The following PHACTR2 variants were observed in gnomAD, a reference collection of about 807,000 sequenced individuals.
PHACTR2 encodes the protein chromosome 6 open reading frame 56.
In PHACTR2, 30 loss-of-function variants were observed where a neutral mutation model predicts 76.0. The ratio of observed to expected loss-of-function variants is 0.39; its 90% confidence interval spans 0.30 to 0.54. The LOEUF (loss-of-function observed/expected upper bound fraction) is 0.54. Ranked by LOEUF, PHACTR2 falls within the 20% of genes least tolerant of loss-of-function variation. The pLI is 0.61. For missense variants in PHACTR2, 696 were observed against 781.1 expected (o/e 0.89, Z 1.30); for synonymous variants, 292 against 292.5 (o/e 1.00, Z 0.02).
rs1417114622 is a variant in PHACTR2, at chr6:143,751,486, C to T, written c.296-2268C>T. Among the ~76,000 whole-genome samples, 6 of 152,048 alleles carry T rather than the reference C, an allele frequency of 3.9e-5. No individual in the cohort carries two copies. Among genetic ancestry groups the T allele is most frequent in the African/African-American group, 1.4e-4 (6 of 41,392 alleles). On this transcript the variant is annotated intron_variant, in intron 3 of 12. Transcript: ENST00000440869. This position sits in a 1 kb window ranked among gnomAD's most constrained non-coding sequence, Gnocchi z 5.7. The stretch of plus-strand genomic sequence containing the variant: ...TCCTTTCCTTTTCTCCCACTGTGGA[C>T]TTTTGTCACTTGCCTTTTGGTCATA...
chr6:143,573,233 T>C (rs182904514), intron 1 of PHACTR2, among the ~76,000 whole-genome samples: 273 of 152,362 alleles, frequency 1.8e-3, no homozygotes, highest in African/African-American at 5.9e-3. Flanking sequence ...TTATCAACCA[T>C]GTGATTTAGA....
intron 12 of PHACTR2, among the ~76,000 whole-genome samples, chr6:143,812,575 G>A (rs1245240345): frequency 1.3e-5 from 2 of 152,178 alleles, no homozygotes; most frequent in African/African-American, 4.8e-5. Flanking sequence ...GTTTCTCCCA[G>A]TATTTTCCAG....
intron 12 of PHACTR2, among the ~76,000 whole-genome samples, chr6:143,814,819 G>C (rs956768217): frequency 2.0e-5 from 3 of 151,894 alleles, no homozygotes; most frequent in African/African-American, 7.3e-5. Context: ...AGCCAGGATG[G>C]TCCCAATCTG....
intron 10 of PHACTR2, among the ~76,000 whole-genome samples, chr6:143,788,515 GA>G (rs1334261720): frequency 1.3e-5 from 2 of 152,130 alleles, no homozygotes; most frequent in Non-Finnish European, 2.9e-5. Context: ...GCAAGTTGGG[GA>G]AAATAGCATA....
chr6:143,538,093 T>TACACACACAC (rs34308001), intron 1 of PHACTR2, among the ~76,000 whole-genome samples: 1 of 150,562 alleles, frequency 6.6e-6, no homozygotes, highest in African/African-American at 2.4e-5. Flanking sequence ...GACTCCGTCT[T>TACACACACAC]ACACACACAC....
chr6:143,550,030 T>A lies in PHACTR2; in HGVS notation c.217+12823T>A, dbSNP rs1442400278. 6.6e-6 allele frequency among the ~76,000 whole-genome samples: 1 copy of A among 151,812 alleles called. No homozygotes were observed. Among genetic ancestry groups the A allele is most frequent in the Admixed American group, 6.6e-5 (1 of 15,190 alleles). On this transcript the variant is annotated intron_variant, in intron 1 of 11. Transcript: ENST00000367584. The surrounding 1 kb of genome is among the most constrained non-coding windows in gnomAD (Gnocchi z 4.8). ...GCTACCATTTTTTGCTAGGTGGGAG[T>A]TGGAGTGATATCCCAATGCATCAGT... is the stretch of plus-strand genomic sequence containing the variant.
In PHACTR2 at chr6:143,578,546, C is replaced by T. The variant is rs898800619; in HGVS notation, c.217+41339C>T. On this transcript the variant is annotated intron_variant, in intron 1 of 11. Coordinates refer to the PHACTR2 transcript ENST00000367584. The surrounding 1 kb of genome is among the most constrained non-coding windows in gnomAD (Gnocchi z 4.5). ...TTGCCAAGCTGGGTACAAAATCACT[C>T]CTGCCAACAAGAAAAGGAGGAAAAG... Among the ~76,000 whole-genome samples the T allele has an allele frequency of 6.6e-6, 1 of 151,988 alleles. No individual in the cohort carries two copies. The highest frequency in any genetic ancestry group is 1.5e-5 in the Non-Finnish European group (1 of 68,020).
rs1393609746 is a variant in PHACTR2 at position 143,659,654 on chromosome 6, CA to C, written c.13+51333del. On this transcript the variant is annotated intron_variant, in intron 1 of 11. Coordinates refer to the PHACTR2 transcript ENST00000305766. The surrounding 1 kb of genome is among the most constrained non-coding windows in gnomAD (Gnocchi z 5.0). ...CCCTAGCAAGACAGACGTGCCCTCTCAGGGGGAGGGGATCACACAAAGGTGG... is the reference window on the plus strand; with the variant it reads ...CCCTAGCAAGACAGACGTGCCCTCTCGGGGGAGGGGATCACACAAAGGTGG... Among the ~76,000 whole-genome samples, 1 of 152,200 alleles carries C rather than the reference CA, an allele frequency of 6.6e-6. No individual in the cohort carries two copies. Among genetic ancestry groups the C allele is most frequent in the East Asian group, 1.9e-4 (1 of 5,188 alleles).
At chr6:143,721,341 G>C (rs189867564) in intron 2 of PHACTR2, among the ~76,000 whole-genome samples, 3 of 152,180 alleles carry the variant, frequency 2.0e-5, no homozygotes, top group African/African-American at 7.2e-5. Flanking sequence ...CCCATAATAC[G>C]CCTGAAGCCT....
chr6:143,588,821 A>G (rs1378105875), intron 1 of PHACTR2, among the ~76,000 whole-genome samples: 1 of 152,228 alleles, frequency 6.6e-6, no homozygotes, highest in African/African-American at 2.4e-5. Flanking sequence ...AAACAATTTG[A>G]TATCTATGAA....
intron 2 of PHACTR2, among the ~76,000 whole-genome samples, chr6:143,719,371 G>A (rs1435293236): frequency 2.2e-5 from 1 of 45,676 alleles, no homozygotes; most frequent in African/African-American, 8.0e-5. Context: ...TTTTTTTTTT[G>A]AGACAGAGTC....
Position 143,547,680 on chromosome 6 carries a change from G to A in PHACTR2, c.217+10473G>A, listed in dbSNP as rs76406135. Among the ~76,000 whole-genome samples the A allele has an allele frequency of 6.7e-3, 1,025 of 152,270 alleles. 20 individuals carry two copies. The East Asian group carries it at 0.089, about 13-fold the overall frequency. ...GTTAGCAATAGAGACTCCCTTCTTC[G>A]AATGAAGGAAAAGGGGTTTGTTTGT... On this transcript the variant is annotated intron_variant, in intron 1 of 11. Transcript: ENST00000367584. This position sits in a 1 kb window ranked among gnomAD's most constrained non-coding sequence, Gnocchi z 4.2.
Position 143,695,556 on chromosome 6 carries a change from C to T in PHACTR2, c.47-16460C>T, listed in dbSNP as rs1259613219. Among the ~76,000 whole-genome samples the T allele has an allele frequency of 6.6e-6, 1 of 152,154 alleles. No individual in the cohort carries two copies. Among genetic ancestry groups the T allele is most frequent in the Non-Finnish European group, 1.5e-5 (1 of 68,036 alleles). ...TGCCAGTCCAGGTTTATTTTCATTG[C>T]TGGGCACTGCAGTCCTAGAGGCAAA... On this transcript the variant is annotated intron_variant, in intron 1 of 12. Coordinates refer to ENST00000440869, the MANE Select transcript of PHACTR2 (RefSeq NM_001100164.2). The surrounding 1 kb of genome is among the most constrained non-coding windows in gnomAD (Gnocchi z 4.4).
intron 1 of PHACTR2, among the ~76,000 whole-genome samples, chr6:143,638,542 T>C (rs1241302950): frequency 1.6e-5 from 2 of 128,660 alleles, no homozygotes; most frequent in African/African-American, 7.0e-5. Flanking sequence ...AGACCTTGTC[T>C]CAAAAAAAAA....
At position 143,683,531 on chromosome 6, in the gene PHACTR2, G is replaced by C. The variant is rs1325457164; in HGVS notation, c.46+5322G>C. On this transcript the variant is annotated intron_variant, in intron 1 of 12. Coordinates refer to ENST00000440869, the MANE Select transcript of PHACTR2 (RefSeq NM_001100164.2). This position sits in a 1 kb window ranked among gnomAD's most constrained non-coding sequence, Gnocchi z 4.1. ...GGTTGAAAGGGCAGACAATGCCACT[G>C]TCCCCATTTTTAAGAGACAAGAGAA... is the stretch of plus-strand genomic sequence containing the variant. Among the ~76,000 whole-genome samples the C allele has an allele frequency of 1.3e-5, 2 of 152,088 alleles. No homozygotes were observed. The highest frequency in any genetic ancestry group is 2.9e-5 in the Non-Finnish European group (2 of 68,020).
rs141756404 is a variant in PHACTR2 at position 143,578,226 on chromosome 6, C to T, written c.217+41019C>T. 7.2e-5 allele frequency among the ~76,000 whole-genome samples: 11 copies of T among 152,312 alleles called. No homozygotes were observed. In the East Asian group the frequency reaches 7.7e-4, roughly 11 times the overall value. On this transcript the variant is annotated intron_variant, in intron 1 of 11. Coordinates refer to the PHACTR2 transcript ENST00000367584. The surrounding 1 kb of genome is among the most constrained non-coding windows in gnomAD (Gnocchi z 4.5). ...AGGGGTCCCCAGACCTCCATCCTCA[C>T]GGTCCAGGATGGGGAAGTCATAGCC...
At chr6:143,694,651 A>G (rs888514142) in intron 1 of PHACTR2, among the ~76,000 whole-genome samples, 5 of 152,244 alleles carry the variant, frequency 3.3e-5, no homozygotes, top group Admixed American at 3.3e-4. Flanking sequence ...TGCTAAAATA[A>G]GAAAGAAAAT....
At chr6:143,717,218 C>T (rs1454756437) in intron 2 of PHACTR2, among the ~76,000 whole-genome samples, 1 of 152,158 alleles carries the variant, frequency 6.6e-6, no homozygotes, top group Admixed American at 6.5e-5. Context: ...CACCTCCTTC[C>T]TCCAGCTATA....
At chr6:143,814,696 C>G (rs746033656) in intron 12 of PHACTR2, among the ~76,000 whole-genome samples, 7 of 150,552 alleles carry the variant, frequency 4.6e-5, no homozygotes, top group South Asian at 4.2e-4. Flanking sequence ...TCCGCCTCCT[C>G]GGTTCACGCC....
Sources: allele counts gnomAD v4.1 joint callset (sites outside exome capture counted in the v4.1 genomes callset), GRCh38; gene constraint gnomAD v4.1.1; non-coding constraint Gnocchi (gnomAD v3.1); transcripts MANE v1.5; gene names NCBI Gene and HGNC (gene_info 2026-07-23, HGNC 2026-07-21).